DGKB: variants seen among roughly 807,000 people sequenced by gnomAD.
The protein encoded by DGKB is 90 kDa diacylglycerol kinase.
In DGKB, 67 loss-of-function variants were observed where a neutral mutation model predicts 114.3. The observed-to-expected ratio is 0.59, with a 90% CI of 0.48 to 0.72. The LOEUF (loss-of-function observed/expected upper bound fraction) is 0.72, where lower values mean the gene tolerates loss of function less well. DGKB is among the 30% of genes least tolerant of loss of function. The probability of loss-of-function intolerance (pLI) is 0.00; values close to 1 mark genes in which losing one functional copy is unlikely to be tolerated. For synonymous variants in DGKB, 398 were observed against 323.1 expected, an observed-to-expected ratio of 1.23 and a Z score of -2.49; for missense variants, 907 against 975.2, an observed-to-expected ratio of 0.93 and a Z score of 0.93.
At chr7:14,472,485 T>C (rs1475540310) in intron 21 of DGKB, among the ~76,000 whole-genome samples, 1 of 152,096 alleles carries the variant, frequency 6.6e-6, no homozygotes, top group Non-Finnish European at 1.5e-5. Context: ...AATTGTCCAA[T>C]CTCTAATTAA....
intron 1 of DGKB, among the ~76,000 whole-genome samples, chr7:14,916,948 A>C (rs1322032652): frequency 6.6e-6 from 1 of 152,118 alleles, no homozygotes; most frequent in Non-Finnish European, 1.5e-5. Context: ...GTATGCTCTC[A>C]AATGGAACTA....
At chr7:14,757,815 A>G (rs1835110920) in intron 2 of DGKB, 84 bp from the exon 3 acceptor site, 3 of 651,272 alleles carry the variant, frequency 4.6e-6, no homozygotes, top group Non-Finnish European at 8.1e-6. Context: ...GACCACTTAA[A>G]ATGTAAATAA....
At chr7:14,705,267 A>G (rs1207249088) in intron 6 of DGKB, among the ~76,000 whole-genome samples, 1 of 151,054 alleles carries the variant, frequency 6.6e-6, no homozygotes, top group African/African-American at 2.4e-5. Context: ...AAGTTTAGAG[A>G]AAAAAGAATA....
chr7:14,742,848 G>C (rs1443274968), intron 4 of DGKB, among the ~76,000 whole-genome samples: 1 of 152,152 alleles, frequency 6.6e-6, no homozygotes, highest in African/African-American at 2.4e-5. Flanking sequence ...TTGTAAGAAG[G>C]CATGGAAATC....
At chr7:14,688,358 ATT>A (rs1256227674) in intron 9 of DGKB, among the ~76,000 whole-genome samples, 1 of 151,944 alleles carries the variant, frequency 6.6e-6, no homozygotes, top group Non-Finnish European at 1.5e-5. Context: ...ATTTCTTCCT[ATT>A]TTCCTCTCGA....
intron 1 of DGKB, among the ~76,000 whole-genome samples, chr7:14,912,010 T>C (rs1784027966): frequency 6.6e-6 from 1 of 152,218 alleles, no homozygotes. Context: ...GTACTTGTTT[T>C]AGTTTGTTTG....
chr7:14,482,364 A>C (rs989124989), intron 20 of DGKB, among the ~76,000 whole-genome samples: 1 of 152,048 alleles, frequency 6.6e-6, no homozygotes, highest in Non-Finnish European at 1.5e-5. Context: ...TATATGAGGA[A>C]ATTTTTGCTT....
At chr7:14,840,885 C>T (rs1379015083) in intron 2 of DGKB, among the ~76,000 whole-genome samples, 1 of 152,066 alleles carries the variant, frequency 6.6e-6, no homozygotes, top group Non-Finnish European at 1.5e-5. Flanking sequence ...ACAGTATTAC[C>T]ACTCTCCATT....
In DGKB at chr7:14,185,461, A is replaced by G. The variant is rs371936510; in HGVS notation, c.2123-7310T>C. Among the ~76,000 whole-genome samples the G allele has an allele frequency of 1.6e-4, 25 of 152,300 alleles. No homozygotes were observed. In the East Asian group the frequency reaches 3.3e-3, roughly 20 times the overall value. ...ACTGCCAAAAGCAATCTACAATTCA[A>G]TGCAATTCCCATCAAAATACCACAC... On this transcript the variant is annotated intron_variant, in intron 23 of 25. Coordinates refer to ENST00000402815, the MANE Select transcript of DGKB (RefSeq NM_001350709.2).
rs185057409 is a variant in DGKB at position 14,261,623 on chromosome 7, G to C, written c.2122+76892C>G. ...TAATCCATAATCCATTCAATATATA[G>C]TCTATACATGACTAAATATAAAATA... is the stretch of plus-strand genomic sequence containing the variant. On this transcript the variant is annotated intron_variant, in intron 23 of 25. Coordinates refer to ENST00000402815, the MANE Select transcript of DGKB (RefSeq NM_001350709.2). Among the ~76,000 whole-genome samples, 13 of 152,178 alleles carry C rather than the reference G, an allele frequency of 8.5e-5. No homozygotes were observed. The East Asian group carries it at 2.3e-3, about 27-fold the overall frequency.
intron 5 of DGKB, among the ~76,000 whole-genome samples, chr7:14,728,504 G>C (rs965140023): frequency 2.0e-5 from 3 of 151,984 alleles, no homozygotes; most frequent in Non-Finnish European, 4.4e-5. Context: ...GTCTCCTAAG[G>C]TCCTTGGGGC....
chr7:14,594,676 G>C (rs147944422), intron 17 of DGKB, among the ~76,000 whole-genome samples: 2 of 152,034 alleles, frequency 1.3e-5, no homozygotes, highest in African/African-American at 4.8e-5. Context: ...CCATTCTGTC[G>C]TGTGAATGAT....
chr7:14,751,993 A>G (rs1461361263), intron 4 of DGKB, among the ~76,000 whole-genome samples: 2 of 152,314 alleles, frequency 1.3e-5, no homozygotes, highest in East Asian at 1.9e-4. Context: ...TTATACATAC[A>G]TTTTAGAACC....
chr7:14,495,734 A>T (rs1053762989), intron 20 of DGKB, among the ~76,000 whole-genome samples: 3 of 151,822 alleles, frequency 2.0e-5, no homozygotes, highest in African/African-American at 7.2e-5. Context: ...TAAAACTGGC[A>T]TGGTTTACTT....
At chr7:14,638,296 A>G (rs1585251758) in intron 13 of DGKB, among the ~76,000 whole-genome samples, 1 of 152,292 alleles carries the variant, frequency 6.6e-6, no homozygotes, top group Middle Eastern at 3.4e-3. Context: ...ATACAATGCT[A>G]CTTTGGTATC....
intron 21 of DGKB, among the ~76,000 whole-genome samples, chr7:14,437,002 A>T (rs1413950959): frequency 6.6e-6 from 1 of 152,040 alleles, no homozygotes; most frequent in Admixed American, 6.6e-5. Context: ...ACATAACTCC[A>T]TTGGCATTTG....
chr7:14,208,585 A>G (rs1160883094), intron 23 of DGKB, among the ~76,000 whole-genome samples: 1 of 151,778 alleles, frequency 6.6e-6, no homozygotes, highest in Non-Finnish European at 1.5e-5. Context: ...ATATTTCTTT[A>G]TGTTTGTGTG....
intron 2 of DGKB, among the ~76,000 whole-genome samples, chr7:14,764,770 A>G (rs1836217253): frequency 6.6e-6 from 1 of 151,766 alleles, no homozygotes; most frequent in Non-Finnish European, 1.5e-5. Flanking sequence ...GAAAAAAAAA[A>G]CCTCATGAGA....
At chr7:14,500,474 ATT>A (rs11357286) in intron 20 of DGKB, among the ~76,000 whole-genome samples, 1 of 145,774 alleles carries the variant, frequency 6.9e-6, no homozygotes. Flanking sequence ...AAGTTTCTTT[ATT>A]TTTTTTTTTG....
Sources: allele counts gnomAD v4.1 joint callset (sites outside exome capture counted in the v4.1 genomes callset), GRCh38; gene constraint gnomAD v4.1.1; transcripts MANE v1.5; gene names NCBI Gene and HGNC (gene_info 2026-07-23, HGNC 2026-07-21).